Variants in CFAP52 observed in about 807,000 individuals in gnomAD.
CFAP52 encodes the protein cilia- and flagella-associated protein 52.
Under a neutral mutation model 70.5 loss-of-function variants are expected in CFAP52, and 57 were observed. That is an observed-to-expected ratio of 0.81 (90% CI 0.65 to 1.01). The LOEUF is 1.01. Among genes scored for constraint, CFAP52 ranks in the 50% least tolerant of loss-of-function variants. The probability of loss-of-function intolerance (pLI) is 0.00; values close to 1 mark genes in which losing one functional copy is unlikely to be tolerated. For synonymous variants in CFAP52, 267 were observed against 292.5 expected, an observed-to-expected ratio of 0.91 and a Z score of 0.89; for missense variants, 785 against 788.5, an observed-to-expected ratio of 1.00 and a Z score of 0.05.
rs556849423 is a variant in CFAP52, at chr17:9,624,114, T to C, written c.1026-4558T>C. 5.9e-5 allele frequency among the ~76,000 whole-genome samples: 9 copies of C among 152,320 alleles called. 1 individual carries two copies. The South Asian group carries it at 1.9e-3, about 32-fold the overall frequency. Reference sequence around the variant, plus strand: ...TCTGTTTATATTTCAATATTTTTTCTTTGCTTTTGTCTTTCATCAGTTTGA... The same window carrying C: ...TCTGTTTATATTTCAATATTTTTTCCTTGCTTTTGTCTTTCATCAGTTTGA... On this transcript the variant is annotated intron_variant, in intron 8 of 13. Transcript: ENST00000352665.
At position 9,628,818 on chromosome 17, in the gene CFAP52, C is replaced by T; in HGVS notation, c.1172C>T (p.Ser391Leu). 1 of 1,614,070 alleles carries T rather than the reference C, an allele frequency of 6.2e-7. No homozygotes were observed. The highest frequency in any genetic ancestry group is 1.1e-5 in the South Asian group (1 of 91,082). ...DFMRDGKSII[S>L]AWNDGKIRAF... ...ATGAGGGACGGCAAAAGCATCATTTCAGGTAACGTCCACATGTCAAGATCT... is the reference window on the plus strand; with the variant it reads ...ATGAGGGACGGCAAAAGCATCATTTTAGGTAACGTCCACATGTCAAGATCT... The change falls in exon 9 of 14, where the codon TCA (serine) becomes TTA (leucine). Residue 391 changes from serine (S) to leucine (L), a missense_variant and splice_region_variant. Ser to Leu is a moderately radical substitution (Grantham distance 145). Coordinates refer to ENST00000352665, the MANE Select transcript of CFAP52 (RefSeq NM_145054.5).
At chr17:9,609,593 G>A (rs1007795640) in intron 7 of CFAP52, among the ~76,000 whole-genome samples, 1 of 152,164 alleles carries the variant, frequency 6.6e-6, no homozygotes, top group East Asian at 1.9e-4. Context: ...CTACTCAGGA[G>A]GCTGAAGCGG....
At chr17:9,632,771 C>CT (rs1397188488) in intron 9 of CFAP52, 117 bp from the exon 10 acceptor site, 1 of 1,425,906 alleles carries the variant, frequency 7.0e-7, no homozygotes, top group African/African-American at 1.5e-5. Flanking sequence ...GAGCTGGTCT[C>CT]TTTCCTCCAG....
chr17:9,605,954 C>T (rs1047196277), intron 6 of CFAP52, among the ~76,000 whole-genome samples: 9 of 152,116 alleles, frequency 5.9e-5, no homozygotes, highest in Non-Finnish European at 1.0e-4. Flanking sequence ...TACATCTACT[C>T]TGCTGGAAGA....
At chr17:9,584,103 A>G (rs925232491) in intron 1 of CFAP52, 3 of 920,314 alleles carry the variant, frequency 3.3e-6, no homozygotes, top group African/African-American at 3.6e-5. Flanking sequence ...TGCAGATGCC[A>G]TCTGCCCTGT....
chr17:9,588,774 A>ATTTT (rs34511627), intron 3 of CFAP52, among the ~76,000 whole-genome samples: 133 of 144,162 alleles, frequency 9.2e-4, no homozygotes, highest in African/African-American at 3.1e-3. Context: ...ACAGAAAAGA[A>ATTTT]TTTTTTTTTT....
intron 10 of CFAP52, among the ~76,000 whole-genome samples, chr17:9,633,422 C>A (rs1251030320): frequency 2.0e-5 from 3 of 152,094 alleles, no homozygotes; most frequent in African/African-American, 7.2e-5. Flanking sequence ...CCAGGCTGGT[C>A]TCAAACTCCT....
chr17:9,599,079 T>C (rs1909151782), intron 5 of CFAP52, among the ~76,000 whole-genome samples: 1 of 152,246 alleles, frequency 6.6e-6, no homozygotes, highest in African/African-American at 2.4e-5. Context: ...TATATTCAGG[T>C]TGCATATTCC....
intron 4 of CFAP52, 135 bp downstream of exon 4, chr17:9,594,456 T>G: frequency 8.7e-7 from 1 of 1,153,470 alleles, no homozygotes; most frequent in Non-Finnish European, 1.2e-6. Flanking sequence ...TTTTGTGATT[T>G]TGTACTCATT....
At chr17:9,599,305 A>T (rs999744999) in intron 5 of CFAP52, among the ~76,000 whole-genome samples, 1 of 152,206 alleles carries the variant, frequency 6.6e-6, no homozygotes, top group Non-Finnish European at 1.5e-5. Flanking sequence ...TTTGGATTAT[A>T]CTCAACCTGT....
chr17:9,641,541 A>C (rs1015591218), intron 12 of CFAP52, among the ~76,000 whole-genome samples, 183 bp from the exon 13 acceptor site: 2 of 152,224 alleles, frequency 1.3e-5, no homozygotes, highest in Non-Finnish European at 2.9e-5. Flanking sequence ...TTTAAAACCA[A>C]TACTAAAAAT....
At chr17:9,600,371 A>G (rs1458883864) in intron 6 of CFAP52, among the ~76,000 whole-genome samples, 188 bp downstream of exon 6, 4 of 151,982 alleles carry the variant, frequency 2.6e-5, no homozygotes, top group Non-Finnish European at 5.9e-5. Flanking sequence ...CCTCTCAAGT[A>G]GCTGGGACTA....
intron 11 of CFAP52, 34 bp from the exon 12 acceptor site, chr17:9,638,575 G>A (rs1227164037): frequency 6.2e-7 from 1 of 1,600,844 alleles, no homozygotes; most frequent in Admixed American, 1.7e-5. Context: ...GGAAGAGAAA[G>A]TCGACTTTCA....
At chr17:9,588,200 A>G (rs186992143) in intron 3 of CFAP52, among the ~76,000 whole-genome samples, 3 of 152,040 alleles carry the variant, frequency 2.0e-5, no homozygotes, top group South Asian at 2.1e-4. Context: ...CCATGTTGCC[A>G]TAGCATGGGA....
At chr17:9,603,556 C>T (rs530851433) in intron 6 of CFAP52, among the ~76,000 whole-genome samples, 145 of 152,262 alleles carry the variant, frequency 9.5e-4, no homozygotes, top group Non-Finnish European at 1.6e-3. Context: ...AGTATTGTCA[C>T]GATATGAGTT....
chr17:9,576,689 C>A lies in CFAP52; in HGVS notation c.-7C>A. ...GAGGAGAGCAAAGTAATCAGAACCT[C>A]CCAAGGATGGATAACAAAATTTCGC... On this transcript the variant is annotated 5_prime_UTR_variant, in exon 1 of 14. Coordinates refer to ENST00000352665, the MANE Select transcript of CFAP52 (RefSeq NM_145054.5). 3 of 1,611,558 alleles carry A rather than the reference C, an allele frequency of 1.9e-6. No individual in the cohort carries two copies. The highest frequency in any genetic ancestry group is 2.5e-6 in the Non-Finnish European group (3 of 1,178,808).
intron 9 of CFAP52, among the ~76,000 whole-genome samples, chr17:9,632,471 G>A (rs576020054): frequency 6.6e-6 from 1 of 152,256 alleles, no homozygotes; most frequent in South Asian, 2.1e-4. Flanking sequence ...GCATAAATAA[G>A]TGGTTGTAAG....
At chr17:9,639,894 GCTT>G (rs1184857731) in intron 12 of CFAP52, among the ~76,000 whole-genome samples, 6 of 152,142 alleles carry the variant, frequency 3.9e-5, no homozygotes, top group African/African-American at 1.2e-4. Context: ...TGTCAATTTG[GCTT>G]CTTTGGCTGG....
intron 3 of CFAP52, among the ~76,000 whole-genome samples, chr17:9,591,809 T>C (rs961577135): frequency 5.3e-5 from 8 of 151,752 alleles, no homozygotes; most frequent in African/African-American, 1.9e-4. Context: ...GCCCAGGAGT[T>C]TGAGGCTGCA....
Sources: allele counts gnomAD v4.1 joint callset (sites outside exome capture counted in the v4.1 genomes callset), GRCh38; gene constraint gnomAD v4.1.1; transcripts MANE v1.5; gene names NCBI Gene and HGNC (gene_info 2026-07-23, HGNC 2026-07-21).